The following MIPOL1 variants were observed in gnomAD, a reference collection of about 807,000 sequenced individuals.
The protein encoded by MIPOL1 is mirror-image polydactyly gene 1 protein.
Under a neutral mutation model 60.9 loss-of-function variants are expected in MIPOL1, and 57 were observed. The observed-to-expected ratio is 0.94, with a 90% CI of 0.76 to 1.17. The LOEUF is 1.17. Among genes scored for constraint, MIPOL1 ranks in the 50% most tolerant of loss-of-function variants. The pLI is 0.00. For missense variants in MIPOL1, 551 were observed against 511.6 expected (o/e 1.08, Z -0.74); for synonymous variants, 179 against 168.8 (o/e 1.06, Z -0.47).
intron 1 of MIPOL1, among the ~76,000 whole-genome samples, chr14:37,205,166 C>T (rs1277026082): frequency 4.6e-5 from 7 of 151,672 alleles, no homozygotes; most frequent in East Asian, 1.9e-4. Context: ...TGCAGTGACA[C>T]GATCTCAGTT....
At chr14:37,503,353 G>A (rs1175278882) in intron 12 of MIPOL1, 1 of 152,100 alleles carries the variant, frequency 6.6e-6, no homozygotes, top group Non-Finnish European at 1.5e-5. Flanking sequence ...AATGTTAAGG[G>A]TAGCCAGGAA....
At chr14:37,403,347 C>T (rs1429006674) in intron 10 of MIPOL1, among the ~76,000 whole-genome samples, 1 of 143,918 alleles carries the variant, frequency 6.9e-6, no homozygotes, top group East Asian at 2.0e-4. Flanking sequence ...ATGTGCTTAT[C>T]TCTTTTGTTT....
intron 7 of MIPOL1, among the ~76,000 whole-genome samples, chr14:37,306,477 G>A (rs570417911): frequency 1.4e-3 from 207 of 151,906 alleles, no homozygotes; most frequent in African/African-American, 3.8e-3. Flanking sequence ...GGTTAACAAG[G>A]TAATTGTGAA....
intron 11 of MIPOL1, among the ~76,000 whole-genome samples, chr14:37,498,681 G>A (rs985322269): frequency 6.6e-5 from 10 of 152,114 alleles, no homozygotes; most frequent in African/African-American, 2.2e-4. Context: ...TTTCTGTGTA[G>A]TAACCAGTTG....
intron 11 of MIPOL1, among the ~76,000 whole-genome samples, chr14:37,477,162 A>G (rs1303844725): frequency 6.6e-6 from 1 of 151,986 alleles, no homozygotes. Flanking sequence ...GGCCTCCCAA[A>G]GTGCTAGGAT....
intron 1 of MIPOL1, among the ~76,000 whole-genome samples, chr14:37,234,471 A>G (rs1971126787): frequency 6.6e-6 from 1 of 151,228 alleles, no homozygotes. Context: ...TATTACAGGC[A>G]TGAGCCACCA....
Position 37,305,430 on chromosome 14 carries a change from C to G in MIPOL1, c.624-2626C>G, listed in dbSNP as rs1449589710. Among the ~76,000 whole-genome samples the G allele has an allele frequency of 2.6e-5, 4 of 151,930 alleles. No individual in the cohort carries two copies. In the East Asian group the frequency reaches 7.7e-4, roughly 29 times the overall value. On this transcript the variant is annotated intron_variant, in intron 7 of 12. Coordinates refer to ENST00000684589, the MANE Select transcript of MIPOL1 (RefSeq NM_001388067.1). ...AAAGTTTTATTGGGATACAACTACA[C>G]TTGATCACTTATTGTGTATGGCTGC...
chr14:37,422,322 A>T (rs1336375860), intron 10 of MIPOL1, among the ~76,000 whole-genome samples: 1 of 152,046 alleles, frequency 6.6e-6, no homozygotes, highest in African/African-American at 2.4e-5. Flanking sequence ...CAGAGAAGGA[A>T]TTGAAAAGGT....
intron 10 of MIPOL1, among the ~76,000 whole-genome samples, chr14:37,405,582 A>AT (rs2093571768): frequency 6.6e-6 from 1 of 152,024 alleles, no homozygotes; most frequent in East Asian, 1.9e-4. Context: ...TTTCTTGTTT[A>AT]TTTTTATAAT....
chr14:37,525,804 G>A (rs901361790), intron 12 of MIPOL1, among the ~76,000 whole-genome samples: 1 of 152,134 alleles, frequency 6.6e-6, no homozygotes, highest in Non-Finnish European at 1.5e-5. Flanking sequence ...GTACATTAAA[G>A]GATTATGCAT....
chr14:37,263,308 G>T (rs1444517696), intron 3 of MIPOL1, among the ~76,000 whole-genome samples: 2 of 152,102 alleles, frequency 1.3e-5, no homozygotes, highest in African/African-American at 4.8e-5. Flanking sequence ...AGAGATACAG[G>T]ATCCTCAAAG....
intron 11 of MIPOL1, among the ~76,000 whole-genome samples, chr14:37,444,618 T>C (rs1353123359): frequency 6.6e-6 from 1 of 152,180 alleles, no homozygotes; most frequent in African/African-American, 2.4e-5. Flanking sequence ...TCAAGATATA[T>C]TCTGTAAAGT....
intron 1 of MIPOL1, among the ~76,000 whole-genome samples, chr14:37,202,243 T>C (rs1034198390): frequency 2.0e-5 from 3 of 152,174 alleles, no homozygotes; most frequent in African/African-American, 7.2e-5. Context: ...TTCTTTGATA[T>C]GTATAATTGT....
intron 11 of MIPOL1, among the ~76,000 whole-genome samples, chr14:37,450,720 A>G (rs1049042927): frequency 1.8e-4 from 27 of 152,070 alleles, no homozygotes; most frequent in Admixed American, 5.2e-4. Context: ...TCTTTCTGGT[A>G]TCCTAATAGA....
chr14:37,454,965 T>C (rs912604038), intron 11 of MIPOL1, among the ~76,000 whole-genome samples: 1 of 152,208 alleles, frequency 6.6e-6, no homozygotes, highest in East Asian at 1.9e-4. Context: ...AATTATCATA[T>C]GTCTTTTCCT....
intron 12 of MIPOL1, chr14:37,502,388 G>A (rs1459235246): frequency 1.3e-5 from 2 of 152,386 alleles, no homozygotes; most frequent in Non-Finnish European, 2.9e-5. Flanking sequence ...CCTCTAGGAC[G>A]AAGCTTCCAG....
chr14:37,218,521 T>C (rs1209587755), intron 1 of MIPOL1, among the ~76,000 whole-genome samples: 1 of 152,112 alleles, frequency 6.6e-6, no homozygotes, highest in Non-Finnish European at 1.5e-5. Context: ...TGAGGTCTGT[T>C]TGATGGCCCA....
chr14:37,294,178 T>A (rs546133806), intron 7 of MIPOL1, among the ~76,000 whole-genome samples: 1 of 152,296 alleles, frequency 6.6e-6, no homozygotes, highest in South Asian at 2.1e-4. Flanking sequence ...CAGCCACCAC[T>A]GCTGATACCC....
At chr14:37,250,584 A>G (rs1973923087) in intron 3 of MIPOL1, among the ~76,000 whole-genome samples, 1 of 152,040 alleles carries the variant, frequency 6.6e-6, no homozygotes, top group Admixed American at 6.6e-5. Flanking sequence ...TTAAACATAA[A>G]TATTTTAACT....
Sources: allele counts gnomAD v4.1 joint callset (sites outside exome capture counted in the v4.1 genomes callset), GRCh38; gene constraint gnomAD v4.1.1; transcripts MANE v1.5; gene names NCBI Gene and HGNC (gene_info 2026-07-23, HGNC 2026-07-21).